Variants in RAPGEF5 observed in about 807,000 individuals in gnomAD.
RAPGEF5 encodes the protein Rap guanine nucleotide exchange factor 5.
Under a neutral mutation model 125.2 loss-of-function variants are expected in RAPGEF5, and 65 were observed. The ratio of observed to expected loss-of-function variants is 0.52; its 90% CI spans 0.43 to 0.64. RAPGEF5 has a LOEUF of 0.64. Ranked by LOEUF, RAPGEF5 falls within the 30% of genes least tolerant of loss-of-function variation. The pLI is 0.00. For synonymous variants in RAPGEF5, 391 were observed against 385.9 expected (o/e 1.01, Z -0.16); for missense variants, 958 against 1,048.1 (o/e 0.91, Z 1.19).
intron 6 of RAPGEF5, among the ~76,000 whole-genome samples, chr7:22,270,880 G>A (rs923793487): frequency 1.3e-5 from 2 of 152,146 alleles, no homozygotes; most frequent in Non-Finnish European, 2.9e-5. Flanking sequence ...AAAAAGCCTA[G>A]AGTTTTGCCA....
intron 7 of RAPGEF5, among the ~76,000 whole-genome samples, chr7:22,262,799 C>T (rs934988896): frequency 3.0e-4 from 45 of 152,090 alleles, no homozygotes; most frequent in African/African-American, 1.1e-3. Context: ...CTTGTCTCTA[C>T]AAAAAATAAA....
At chr7:22,156,719 T>C in intron 16 of RAPGEF5, 91 bp downstream of exon 16, 1 of 1,580,004 alleles carries the variant, frequency 6.3e-7, no homozygotes, top group Non-Finnish European at 8.6e-7. Context: ...CAGCTGGAAA[T>C]GAAGGTTAGT....
chr7:22,280,093 C>T (rs1339828412), intron 6 of RAPGEF5, among the ~76,000 whole-genome samples: 1 of 152,040 alleles, frequency 6.6e-6, no homozygotes, highest in African/African-American at 2.4e-5. Context: ...AGGAACAGTC[C>T]TAAAGTTTCA....
chr7:22,160,391 T>C (rs952030787), intron 14 of RAPGEF5, 127 bp downstream of exon 14: 6 of 824,034 alleles, frequency 7.3e-6, no homozygotes, highest in Non-Finnish European at 1.1e-5. Flanking sequence ...CTAGAAAAGC[T>C]AAGGCATCAA....
At chr7:22,166,576 G>A (rs1184787941) in intron 12 of RAPGEF5, among the ~76,000 whole-genome samples, 3 of 152,244 alleles carry the variant, frequency 2.0e-5, no homozygotes, top group African/African-American at 7.2e-5. Context: ...GTGAAAAGAT[G>A]ACAGTTGATT....
chr7:22,264,608 G>A (rs1047890646), intron 7 of RAPGEF5, among the ~76,000 whole-genome samples: 8 of 151,916 alleles, frequency 5.3e-5, no homozygotes, highest in Non-Finnish European at 1.2e-4. Flanking sequence ...GCAGTCTCTC[G>A]AACCCATCTG....
intron 1 of RAPGEF5, among the ~76,000 whole-genome samples, chr7:22,355,717 C>T (rs1290416264): frequency 1.3e-5 from 2 of 152,100 alleles, no homozygotes; most frequent in African/African-American, 4.8e-5. Flanking sequence ...GATGCAGCCT[C>T]GAGAAGCTGA....
rs181442904 is a variant in RAPGEF5, at chr7:22,325,572, T to C, written c.232-7535A>G. 1.0e-3 allele frequency among the ~76,000 whole-genome samples: 159 copies of C among 152,268 alleles called. 1 individual carries two copies. In the South Asian group the frequency reaches 0.019, roughly 18 times the overall value. Reference sequence around the variant, plus strand: ...TATGACTCTATAAATTATAAATATATGTAATTTTTTAAAGACAGGGTCTTG... The same window carrying C: ...TATGACTCTATAAATTATAAATATACGTAATTTTTTAAAGACAGGGTCTTG... On this transcript the variant is annotated intron_variant, in intron 1 of 25. Transcript: ENST00000665637.
chr7:22,335,624 G>T (rs183166195), intron 1 of RAPGEF5, among the ~76,000 whole-genome samples: 6 of 151,516 alleles, frequency 4.0e-5, no homozygotes, highest in South Asian at 2.1e-4. Flanking sequence ...ACTCTAGGGT[G>T]GGGGGACACA....
intron 6 of RAPGEF5, among the ~76,000 whole-genome samples, chr7:22,276,825 G>T (rs1189076095): frequency 6.6e-6 from 1 of 152,136 alleles, no homozygotes; most frequent in African/African-American, 2.4e-5. Context: ...AAATCATCGG[G>T]ACTGATTGAT....
At chr7:22,308,616 AAG>A in intron 4 of RAPGEF5, 109 bp from the exon 5 acceptor site, 2 of 903,012 alleles carry the variant, frequency 2.2e-6, no homozygotes, top group East Asian at 5.5e-5. Context: ...AATCAGGGTT[AAG>A]ACTATAATTA....
At chr7:22,149,980 G>A (rs17146334) in intron 18 of RAPGEF5, among the ~76,000 whole-genome samples, 2,937 of 151,692 alleles carry the variant, frequency 0.019, 104 homozygotes, top group African/African-American at 0.068. Flanking sequence ...TGTTACTTGG[G>A]AATTGTATCA....
chr7:22,134,860 C>A (rs542227054), intron 23 of RAPGEF5, among the ~76,000 whole-genome samples: 1 of 152,278 alleles, frequency 6.6e-6, no homozygotes, highest in African/African-American at 2.4e-5. Context: ...CTTTATTTCA[C>A]GCATTTGTAT....
At chr7:22,208,514 T>C (rs1405923635) in intron 9 of RAPGEF5, among the ~76,000 whole-genome samples, 1 of 152,198 alleles carries the variant, frequency 6.6e-6, no homozygotes, top group African/African-American at 2.4e-5. Context: ...GGGATGATCA[T>C]AAGGGATGCT....
At chr7:22,322,141 C>CT (rs561923613) in intron 1 of RAPGEF5, among the ~76,000 whole-genome samples, 246 of 144,554 alleles carry the variant, frequency 1.7e-3, no homozygotes, top group Middle Eastern at 3.5e-3. Flanking sequence ...TTTTCTTTTT[C>CT]TTTTTTTTTT....
intron 8 of RAPGEF5, among the ~76,000 whole-genome samples, chr7:22,229,684 C>G (rs1006105563): frequency 6.6e-6 from 1 of 152,188 alleles, no homozygotes; most frequent in Non-Finnish European, 1.5e-5. Context: ...CTTATATAGA[C>G]GGGCCTGCAG....
At chr7:22,148,446 A>T (rs1783514840) in intron 18 of RAPGEF5, among the ~76,000 whole-genome samples, 1 of 152,176 alleles carries the variant, frequency 6.6e-6, no homozygotes, top group African/African-American at 2.4e-5. Flanking sequence ...CAGTGCTCTA[A>T]TTCCTGTTTT....
chr7:22,317,562 C>G (rs1280519653), intron 2 of RAPGEF5, among the ~76,000 whole-genome samples: 1 of 152,260 alleles, frequency 6.6e-6, no homozygotes, highest in Admixed American at 6.5e-5. Context: ...TCTTTATTGA[C>G]TGATTCTTTA....
intron 6 of RAPGEF5, among the ~76,000 whole-genome samples, chr7:22,278,700 G>C (rs1782611243): frequency 6.7e-6 from 1 of 149,542 alleles, no homozygotes; most frequent in African/African-American, 2.5e-5. Flanking sequence ...AGAATTGCAG[G>C]CCAGAAATAA....
Sources: allele counts gnomAD v4.1 joint callset (sites outside exome capture counted in the v4.1 genomes callset), GRCh38; gene constraint gnomAD v4.1.1; transcripts MANE v1.5; gene names NCBI Gene and HGNC (gene_info 2026-07-23, HGNC 2026-07-21).